LIPC: variants seen among roughly 807,000 people sequenced by gnomAD.
LIPC encodes the protein lipase C, hepatic type, also known as hepatic triacylglycerol lipase.
In LIPC, 44 loss-of-function variants were observed where a neutral mutation model predicts 50.7. The observed-to-expected ratio is 0.87, with a 90% CI of 0.68 to 1.11. LIPC has a LOEUF of 1.11. LIPC is among the 50% of genes most tolerant of loss of function. LIPC has a pLI of 0.00. For synonymous variants in LIPC, 271 were observed against 256.4 expected (o/e 1.06, Z -0.54); for missense variants, 697 against 648.2 (o/e 1.08, Z -0.82).
intron 1 of LIPC, among the ~76,000 whole-genome samples, chr15:58,503,495 G>T (rs1474965539): frequency 6.6e-6 from 1 of 152,176 alleles, no homozygotes; most frequent in African/African-American, 2.4e-5. Context: ...ATGAGGACTT[G>T]GTCTGCATGG....
rs758575444 is a variant in LIPC, at chr15:58,564,503, G to A, written c.1388+780G>A. Among the ~76,000 whole-genome samples the A allele has an allele frequency of 1.2e-3, 183 of 151,658 alleles. 1 individual carries two copies. In the Middle Eastern group the frequency reaches 0.051, roughly 42 times the overall value. On this transcript the variant is annotated intron_variant, in intron 8 of 8. Coordinates refer to ENST00000299022, the MANE Select transcript of LIPC (RefSeq NM_000236.3). ...AGCACTTTGGGAGGCCTTGGCGGGC[G>A]GATCACCTGAGGTCAGGAGTTCAAG...
At chr15:58,479,399 T>C (rs142685091) in intron 1 of LIPC, among the ~76,000 whole-genome samples, 4 of 152,368 alleles carry the variant, frequency 2.6e-5, no homozygotes, top group South Asian at 4.1e-4. Flanking sequence ...ACAGAATTTC[T>C]AATAAATACC....
chr15:58,552,675 G>A (rs934627819), intron 6 of LIPC, among the ~76,000 whole-genome samples: 2 of 152,212 alleles, frequency 1.3e-5, no homozygotes, highest in Non-Finnish European at 2.9e-5. Flanking sequence ...CTGTGACTCG[G>A]GCAGTCGGTC....
chr15:58,541,341 G>A (rs190730770), intron 2 of LIPC, among the ~76,000 whole-genome samples: 12 of 152,208 alleles, frequency 7.9e-5, no homozygotes, highest in Non-Finnish European at 1.5e-4. Flanking sequence ...TTAGGGGTGA[G>A]GTGGGGCAGC....
chr15:58,515,978 G>A (rs987455518), intron 1 of LIPC, among the ~76,000 whole-genome samples: 5 of 152,126 alleles, frequency 3.3e-5, no homozygotes, highest in Admixed American at 1.3e-4. Context: ...CGAACACGGG[G>A]CTGTAATCAT....
At chr15:58,528,579 G>A (rs1183683278) in intron 1 of LIPC, among the ~76,000 whole-genome samples, 2 of 152,092 alleles carry the variant, frequency 1.3e-5, no homozygotes, top group African/African-American at 4.8e-5. Flanking sequence ...CACAATCACT[G>A]CTCACTGCAG....
chr15:58,511,814 G>A (rs1892337952), intron 1 of LIPC, among the ~76,000 whole-genome samples: 1 of 152,154 alleles, frequency 6.6e-6, no homozygotes, highest in Admixed American at 6.5e-5. Context: ...ACAGTAGAGG[G>A]TTGTTCAAAT....
intron 1 of LIPC, among the ~76,000 whole-genome samples, chr15:58,497,013 A>G (rs546951172): frequency 1.3e-5 from 2 of 152,282 alleles, no homozygotes; most frequent in South Asian, 4.1e-4. Context: ...ATTGATGGAC[A>G]TGATGAAGTC....
intron 1 of LIPC, among the ~76,000 whole-genome samples, chr15:58,440,705 T>C (rs1214798967): frequency 1.3e-5 from 2 of 152,190 alleles, no homozygotes; most frequent in African/African-American, 4.8e-5. Flanking sequence ...TGCAAAATGT[T>C]ACAAGAGCCC....
At chr15:58,469,326 G>T (rs1324319372) in intron 1 of LIPC, among the ~76,000 whole-genome samples, 1 of 152,094 alleles carries the variant, frequency 6.6e-6, no homozygotes, top group Non-Finnish European at 1.5e-5. Context: ...TGAGCATGTT[G>T]GAGTACTCAG....
chr15:58,435,079 C>A (rs983425343), intron 1 of LIPC: 1 of 152,184 alleles, frequency 6.6e-6, no homozygotes, highest in Non-Finnish European at 1.5e-5. Context: ...ACTGAGAAAT[C>A]TTTAAAATCT....
At chr15:58,525,732 G>T (rs1451696766) in intron 1 of LIPC, among the ~76,000 whole-genome samples, 1 of 152,202 alleles carries the variant, frequency 6.6e-6, no homozygotes, top group African/African-American at 2.4e-5. Context: ...CATCCAATCT[G>T]TTTAAATGAG....
In LIPC at chr15:58,568,752, A is replaced by G. The variant is rs368077176; in HGVS notation, c.1425A>G (p.Leu475=). 1.4e-5 allele frequency: 23 copies of G among 1,611,144 alleles called. No homozygotes were observed. The highest frequency in any genetic ancestry group is 1.7e-5 in the Non-Finnish European group (20 of 1,177,734). Residue 475 remains leucine (L), a synonymous_variant, in exon 9 of 9, where the codon CTA becomes CTG. Transcript: ENST00000299022. ...GTTCAGAAAACACAGATGACCTACT[A>G]CTTCGCCCAACCCAGGAAAAAATCT... ...TFCSENTDDL[L]LRPTQEKIFV... is the part of the protein sequence containing the mutation.
intron 8 of LIPC, chr15:58,566,313 G>T (rs1894363936): frequency 1.0e-6 from 1 of 985,302 alleles, no homozygotes; most frequent in Admixed American, 6.2e-5. Context: ...AAAGCAATAT[G>T]GCTGGCAGGA....
intron 1 of LIPC, among the ~76,000 whole-genome samples, chr15:58,513,630 G>T (rs1892399067): frequency 6.6e-6 from 1 of 152,122 alleles, no homozygotes; most frequent in South Asian, 2.1e-4. Flanking sequence ...GAAAGAAGGA[G>T]GATGAGGATT....
intron 4 of LIPC, among the ~76,000 whole-genome samples, chr15:58,544,242 A>G (rs1469122538): frequency 6.6e-6 from 1 of 152,062 alleles, no homozygotes; most frequent in African/African-American, 2.4e-5. Flanking sequence ...AACCCTCTCC[A>G]TCCAACTGGT....
At chr15:58,551,462 C>G (rs1356554022) in intron 6 of LIPC, among the ~76,000 whole-genome samples, 1 of 152,230 alleles carries the variant, frequency 6.6e-6, no homozygotes, top group Non-Finnish European at 1.5e-5. Flanking sequence ...GTCAGTTACA[C>G]AAGCCACCTT....
intron 1 of LIPC, among the ~76,000 whole-genome samples, chr15:58,469,102 T>TTTTGTG (rs149021757): frequency 2.1e-5 from 3 of 140,624 alleles, no homozygotes; most frequent in Admixed American, 7.2e-5. Flanking sequence ...AGGGAACATT[T>TTTTGTG]TGTGTGTGTG....
intron 1 of LIPC, among the ~76,000 whole-genome samples, chr15:58,473,429 C>G: frequency 6.6e-6 from 1 of 152,184 alleles, no homozygotes; most frequent in East Asian, 1.9e-4. Context: ...AGCCCATTAC[C>G]CACCCACTTC....
Sources: gnomAD v4.1 joint callset for allele counts (sites outside exome capture counted in the v4.1 genomes callset) on GRCh38, gnomAD v4.1.1 for gene constraint, MANE v1.5 for transcripts, NCBI Gene and HGNC (gene_info 2026-07-23, HGNC 2026-07-21) for gene names.